PBX1: variants seen among roughly 807,000 people sequenced by gnomAD.
PBX1 encodes the protein PBX homeobox 1.
PBX1 carries 6 observed loss-of-function variants against 53.4 expected under a neutral mutation model. The ratio of observed to expected loss-of-function variants is 0.11; its 90% CI spans 0.06 to 0.22. The LOEUF (loss-of-function observed/expected upper bound fraction) is 0.22. Among genes scored for constraint, PBX1 ranks in the 10% least tolerant of loss-of-function variants. The probability of loss-of-function intolerance (pLI) is 1.00; values close to 1 mark genes in which losing one functional copy is unlikely to be tolerated. For synonymous variants in PBX1, 204 were observed against 212.3 expected (o/e 0.96, Z 0.34); for missense variants, 251 against 551.4 (o/e 0.46, Z 5.46).
At position 164,841,844 on chromosome 1, in the gene PBX1, T is replaced by C. The variant is rs1469991696; in HGVS notation, c.1201-4740T>C. 2.6e-5 allele frequency among the ~76,000 whole-genome samples: 4 copies of C among 152,092 alleles called. No homozygotes were observed. In the East Asian group the frequency reaches 5.8e-4, roughly 22 times the overall value. On this transcript the variant is annotated intron_variant, in intron 8 of 8. Coordinates refer to ENST00000420696, the MANE Select transcript of PBX1 (RefSeq NM_002585.4). ...GCCGTTCCCAACAGTGACTGGGTGA[T>C]TGAGGGGCTGGAGCACGTGCAGCTC...
At chr1:164,593,923 T>C (rs1400968876) in intron 2 of PBX1, among the ~76,000 whole-genome samples, 3 of 152,160 alleles carry the variant, frequency 2.0e-5, no homozygotes, top group African/African-American at 4.8e-5. Flanking sequence ...AACTTTAAGG[T>C]GAGGCTGATA....
intron 2 of PBX1, among the ~76,000 whole-genome samples, chr1:164,648,657 C>G (rs1659607027): frequency 6.6e-6 from 1 of 152,166 alleles, no homozygotes; most frequent in South Asian, 2.1e-4. Context: ...ACTCTTTCTA[C>G]TATACCTAAT....
intron 2 of PBX1, among the ~76,000 whole-genome samples, chr1:164,565,645 A>G (rs1054189729): frequency 2.0e-5 from 3 of 152,044 alleles, no homozygotes; most frequent in Non-Finnish European, 4.4e-5. Context: ...CTAAAGCACG[A>G]TTACTTGGCT....
intron 2 of PBX1, among the ~76,000 whole-genome samples, chr1:164,615,079 T>C (rs973581749): frequency 3.3e-4 from 50 of 152,326 alleles, no homozygotes; most frequent in African/African-American, 1.1e-3. Flanking sequence ...CTGGCCTCAG[T>C]TGAACTCTTT....
chr1:164,609,611 C>T (rs930579979), intron 2 of PBX1, among the ~76,000 whole-genome samples: 6 of 152,114 alleles, frequency 3.9e-5, no homozygotes, highest in Admixed American at 3.3e-4. Context: ...TTCTCGGCTT[C>T]TTCTAGAGTA....
chr1:164,838,024 T>C (rs188768046), intron 8 of PBX1, among the ~76,000 whole-genome samples: 1 of 152,238 alleles, frequency 6.6e-6, no homozygotes, highest in East Asian at 1.9e-4. Context: ...GATCTTGATC[T>C]CAGAGTTGAT....
In PBX1 at chr1:164,794,149, A is replaced by G. The variant is rs1214397671; in HGVS notation, c.510+1411A>G. Among the ~76,000 whole-genome samples the G allele has an allele frequency of 4.6e-5, 7 of 152,122 alleles. No homozygotes were observed. In the East Asian group the frequency reaches 1.4e-3, roughly 29 times the overall value. On this transcript the variant is annotated intron_variant, in intron 3 of 8. Transcript: ENST00000420696. ...TTCGGCCTTCTAAAGTGCTGGGATTATAGGCGTGAGCCACCACACCTGGCC... is the reference window on the plus strand; with the variant it reads ...TTCGGCCTTCTAAAGTGCTGGGATTGTAGGCGTGAGCCACCACACCTGGCC...
intron 2 of PBX1, among the ~76,000 whole-genome samples, chr1:164,780,416 G>A (rs567477432): frequency 1.3e-5 from 2 of 152,224 alleles, no homozygotes; most frequent in African/African-American, 2.4e-5. Context: ...AACTTGAATC[G>A]GCAGTCGAGA....
intron 2 of PBX1, among the ~76,000 whole-genome samples, chr1:164,701,213 A>G (rs1663103251): frequency 6.6e-6 from 1 of 152,172 alleles, no homozygotes; most frequent in Non-Finnish European, 1.5e-5. Context: ...AGTTAGAATG[A>G]GGCAGAGCTT....
chr1:164,773,783 T>C (rs1667508132), intron 2 of PBX1, among the ~76,000 whole-genome samples: 1 of 151,992 alleles, frequency 6.6e-6, no homozygotes, highest in Admixed American at 6.6e-5. Context: ...CTGGAAAGGA[T>C]TGGGTGTTGG....
chr1:164,589,794 C>T (rs1022452089), intron 2 of PBX1, among the ~76,000 whole-genome samples: 17 of 152,262 alleles, frequency 1.1e-4, no homozygotes, highest in Admixed American at 9.2e-4. Context: ...AGTGACTTTT[C>T]CAAGGTCTTA....
At chr1:164,611,220 C>A (rs2101826304) in intron 2 of PBX1, among the ~76,000 whole-genome samples, 1 of 152,160 alleles carries the variant, frequency 6.6e-6, no homozygotes, top group East Asian at 1.9e-4. Context: ...AACTTTGGGC[C>A]TTTTTCACAT....
intron 4 of PBX1, among the ~76,000 whole-genome samples, chr1:164,803,137 C>G (rs143192506): frequency 1.2e-3 from 189 of 152,282 alleles, no homozygotes; most frequent in African/African-American, 3.7e-3. Context: ...ACTGGCTTAT[C>G]TAACTGAGCT....
intron 3 of PBX1, among the ~76,000 whole-genome samples, chr1:164,795,120 G>A (rs1270157050): frequency 2.0e-5 from 3 of 152,154 alleles, no homozygotes; most frequent in African/African-American, 7.2e-5. Context: ...TTGAGATTGG[G>A]TACCCAGGAC....
At chr1:164,610,055 G>A (rs1360742867) in intron 2 of PBX1, among the ~76,000 whole-genome samples, 2 of 152,052 alleles carry the variant, frequency 1.3e-5, no homozygotes, top group Admixed American at 1.3e-4. Context: ...TCTGTCGAAG[G>A]GCCCCACCTT....
At chr1:164,608,083 G>A (rs1337917843) in intron 2 of PBX1, among the ~76,000 whole-genome samples, 1 of 152,206 alleles carries the variant, frequency 6.6e-6, no homozygotes, top group East Asian at 1.9e-4. Context: ...CTGCAGAGAA[G>A]AGTGCCTTCA....
Position 164,850,738 on chromosome 1 carries a change from G to GA in PBX1, c.*4067dup, listed in dbSNP as rs1351780762. 2 of 199,752 alleles carry GA rather than the reference G, an allele frequency of 1.0e-5. No individual in the cohort carries two copies. Among genetic ancestry groups the GA allele is most frequent in the Admixed American group, 1.2e-4 (2 of 16,566 alleles). The allele number at this position is 199,752 out of a possible 1,614,324, so 12.4% of individuals were successfully genotyped here. ...AGTGTGACACTCATGCAGTCCCTGA[G>GA]AAAAATAAAATCAGGGACATACTTC... On this transcript the variant is annotated 3_prime_UTR_variant, in exon 9 of 9. Coordinates refer to ENST00000420696, the MANE Select transcript of PBX1 (RefSeq NM_002585.4).
At chr1:164,832,525 C>G (rs1272118848) in intron 8 of PBX1, among the ~76,000 whole-genome samples, 4 of 152,092 alleles carry the variant, frequency 2.6e-5, no homozygotes, top group African/African-American at 9.7e-5. Context: ...CTCATTATAA[C>G]AGAAGGCAAG....
intron 3 of PBX1, among the ~76,000 whole-genome samples, chr1:164,793,470 G>A (rs373199721): frequency 6.6e-6 from 1 of 152,122 alleles, no homozygotes; most frequent in East Asian, 1.9e-4. Flanking sequence ...CTGTGGATTT[G>A]GAGTCACGGA....
Sources: allele counts gnomAD v4.1 joint callset (sites outside exome capture counted in the v4.1 genomes callset), GRCh38; gene constraint gnomAD v4.1.1; transcripts MANE v1.5; gene names NCBI Gene and HGNC (gene_info 2026-07-23, HGNC 2026-07-21).